EBF1: variants seen among roughly 807,000 people sequenced by gnomAD.
The protein encoded by EBF1 is EBF transcription factor 1.
Under a neutral mutation model 68.4 loss-of-function variants are expected in EBF1, and 10 were observed. The ratio of observed to expected loss-of-function variants is 0.15; its 90% confidence interval spans 0.09 to 0.25. The LOEUF (loss-of-function observed/expected upper bound fraction) is 0.25. Ranked by LOEUF, EBF1 falls within the 10% of genes least tolerant of loss-of-function variation. The pLI, the probability that EBF1 is intolerant of heterozygous loss-of-function variation, is 1.00. For missense variants in EBF1, 509 were observed against 794.4 expected, an observed-to-expected ratio of 0.64 and a Z score of 4.32; for synonymous variants, 298 against 299.8, an observed-to-expected ratio of 0.99 and a Z score of 0.06.
At chr5:158,730,207 C>T (rs1421100869) in intron 11 of EBF1, among the ~76,000 whole-genome samples, 1 of 152,218 alleles carries the variant, frequency 6.6e-6, no homozygotes, top group Non-Finnish European at 1.5e-5. Flanking sequence ...TGAATGCAAG[C>T]TCAACGAATT....
chr5:159,087,357 C>CAT (rs59723820), intron 4 of EBF1, among the ~76,000 whole-genome samples: 8 of 140,920 alleles, frequency 5.7e-5, no homozygotes, highest in South Asian at 4.4e-4. Flanking sequence ...TATATATACA[C>CAT]ATATATATAT....
At chr5:158,933,629 C>A (rs1226486154) in intron 6 of EBF1, among the ~76,000 whole-genome samples, 2 of 152,218 alleles carry the variant, frequency 1.3e-5, no homozygotes, top group African/African-American at 4.8e-5. Flanking sequence ...GGACTTGCAT[C>A]TTTGTCCTGT....
chr5:158,879,834 C>T (rs1798525187), intron 6 of EBF1, among the ~76,000 whole-genome samples: 1 of 152,178 alleles, frequency 6.6e-6, no homozygotes, highest in Non-Finnish European at 1.5e-5. Flanking sequence ...GAATATTAAT[C>T]GCTCCTATGG....
At chr5:159,054,184 G>T (rs1310779600) in intron 6 of EBF1, among the ~76,000 whole-genome samples, 1 of 152,122 alleles carries the variant, frequency 6.6e-6, no homozygotes, top group South Asian at 2.1e-4. Flanking sequence ...TAGCTCTGTA[G>T]TTGGTTTGTC....
At chr5:159,088,409 C>T (rs1053496006) in intron 4 of EBF1, among the ~76,000 whole-genome samples, 24 of 152,252 alleles carry the variant, frequency 1.6e-4, no homozygotes, top group African/African-American at 5.5e-4. Context: ...CACTGGTCCA[C>T]AGTTCAGCAA....
chr5:158,916,329 G>A (rs1282141593), intron 6 of EBF1, among the ~76,000 whole-genome samples: 2 of 152,112 alleles, frequency 1.3e-5, no homozygotes, highest in Non-Finnish European at 2.9e-5. Context: ...GGCACACAAT[G>A]GGCACTTCTG....
chr5:158,845,454 C>T (rs1177190778), intron 6 of EBF1, among the ~76,000 whole-genome samples: 2 of 152,144 alleles, frequency 1.3e-5, no homozygotes, highest in Non-Finnish European at 1.5e-5. Context: ...TCGGAACCTA[C>T]TTTAAAGAGT....
intron 6 of EBF1, among the ~76,000 whole-genome samples, chr5:159,060,975 C>T (rs11952042): frequency 0.013 from 1,874 of 148,244 alleles, 34 homozygotes; most frequent in African/African-American, 0.044. Context: ...CACACACATA[C>T]CCCTCAGCCA....
At chr5:158,740,851 T>A (rs1166645300) in intron 10 of EBF1, among the ~76,000 whole-genome samples, 2 of 152,208 alleles carry the variant, frequency 1.3e-5, no homozygotes, top group Admixed American at 1.3e-4. Context: ...ATTTTGCTTA[T>A]ACATTTATTG....
At chr5:158,968,448 T>C (rs1044786561) in intron 6 of EBF1, among the ~76,000 whole-genome samples, 1 of 152,190 alleles carries the variant, frequency 6.6e-6, no homozygotes, top group South Asian at 2.1e-4. Flanking sequence ...ATACAAATTA[T>C]GAGAGTTCAA....
chr5:159,039,696 A>C (rs964179965), intron 6 of EBF1, among the ~76,000 whole-genome samples: 2 of 152,236 alleles, frequency 1.3e-5, no homozygotes, highest in Non-Finnish European at 2.9e-5. Flanking sequence ...TGAAACTTAA[A>C]ACCAACACAT....
intron 10 of EBF1, among the ~76,000 whole-genome samples, chr5:158,745,622 T>C (rs1440925909): frequency 6.6e-6 from 1 of 152,200 alleles, no homozygotes; most frequent in Non-Finnish European, 1.5e-5. Flanking sequence ...CCCAAAGGCT[T>C]TCATAATCTC....
At chr5:158,878,928 G>C (rs921397983) in intron 6 of EBF1, among the ~76,000 whole-genome samples, 1 of 152,128 alleles carries the variant, frequency 6.6e-6, no homozygotes, top group African/African-American at 2.4e-5. Context: ...GAGTACAGCT[G>C]TGAGCCACTA....
chr5:159,040,675 G>A (rs190428670), intron 6 of EBF1, among the ~76,000 whole-genome samples: 49 of 152,270 alleles, frequency 3.2e-4, no homozygotes, highest in Non-Finnish European at 5.3e-4. Flanking sequence ...GTGCTCCCTG[G>A]TAGTGCTTTT....
chr5:159,022,979 A>G (rs1477459000), intron 6 of EBF1, among the ~76,000 whole-genome samples: 3 of 152,228 alleles, frequency 2.0e-5, no homozygotes, highest in Non-Finnish European at 2.9e-5. Flanking sequence ...TTAAATGATT[A>G]TATTAATATT....
chr5:158,961,548 T>C (rs769639605), intron 6 of EBF1, among the ~76,000 whole-genome samples: 7 of 152,164 alleles, frequency 4.6e-5, no homozygotes, highest in Non-Finnish European at 1.0e-4. Flanking sequence ...ATAATCCAAT[T>C]TTGTAAATAC....
At chr5:158,768,648 C>A (rs1216503267) in intron 10 of EBF1, among the ~76,000 whole-genome samples, 1 of 152,078 alleles carries the variant, frequency 6.6e-6, no homozygotes, top group Non-Finnish European at 1.5e-5. Context: ...CACGTCTCTT[C>A]GTTAACTTTA....
chr5:158,892,431 G>A (rs1018811766), intron 6 of EBF1, among the ~76,000 whole-genome samples: 4 of 152,146 alleles, frequency 2.6e-5, no homozygotes, highest in Non-Finnish European at 5.9e-5. Flanking sequence ...GGAGGCTTCA[G>A]GGAGCCAAGA....
chr5:158,921,504 T>C (rs1808431071), intron 6 of EBF1, among the ~76,000 whole-genome samples: 1 of 152,186 alleles, frequency 6.6e-6, no homozygotes, highest in Non-Finnish European at 1.5e-5. Context: ...AAATAACCTT[T>C]CTTTAATATT....
Sources: allele counts gnomAD v4.1 joint callset (sites outside exome capture counted in the v4.1 genomes callset), GRCh38; gene constraint gnomAD v4.1.1; transcripts MANE v1.5; gene names NCBI Gene and HGNC (gene_info 2026-07-23, HGNC 2026-07-21).